The following FEZ1 variants were observed in gnomAD, a reference collection of about 807,000 sequenced individuals.
FEZ1 encodes fasciculation and elongation protein zeta-1.
A neutral mutation model predicts 49.3 loss-of-function variants in FEZ1; 20 were observed. The ratio of observed to expected loss-of-function variants is 0.41; its 90% CI spans 0.29 to 0.59. FEZ1 has a LOEUF of 0.59. Ranked by LOEUF, FEZ1 falls within the 20% of genes least tolerant of loss-of-function variation. The pLI is 0.36. For missense variants in FEZ1, 413 were observed against 476.0 expected, an observed-to-expected ratio of 0.87 and a Z score of 1.23; for synonymous variants, 170 against 180.9, an observed-to-expected ratio of 0.94 and a Z score of 0.48.
intron 6 of FEZ1, among the ~76,000 whole-genome samples, chr11:125,454,618 A>G (rs1434984561): frequency 6.6e-6 from 1 of 152,178 alleles, no homozygotes; most frequent in Non-Finnish European, 1.5e-5. Context: ...AGTTTTTTTC[A>G]AAATGTACAT....
At chr11:125,459,595 A>T (rs1204386279) in intron 5 of FEZ1, among the ~76,000 whole-genome samples, 1 of 152,144 alleles carries the variant, frequency 6.6e-6, no homozygotes. Context: ...CTATCTCTAA[A>T]AAATAAATAA....
chr11:125,469,717 C>G (rs1384132387), intron 3 of FEZ1, among the ~76,000 whole-genome samples: 1 of 150,296 alleles, frequency 6.7e-6, no homozygotes, highest in Non-Finnish European at 1.5e-5. Context: ...GTGCATGCCA[C>G]CAGGCCCAGC....
intron 4 of FEZ1, among the ~76,000 whole-genome samples, chr11:125,462,303 CCTCT>C (rs1591587236): frequency 1.3e-5 from 2 of 152,188 alleles, no homozygotes; most frequent in South Asian, 2.1e-4. Flanking sequence ...TGAACATTAT[CCTCT>C]CTAAGTAATA....
Position 125,489,185 on chromosome 11 carries a change from A to C in FEZ1, c.311+282T>G, listed in dbSNP as rs1483304029. Reference sequence around the variant, plus strand: ...TTTCCACTGATATAAAGAAAGCTTAAGATAGACAGACCCTGAAATTTACTG... The same window carrying C: ...TTTCCACTGATATAAAGAAAGCTTACGATAGACAGACCCTGAAATTTACTG... On this transcript the variant is annotated intron_variant, in intron 2 of 9. Transcript: ENST00000278919. The surrounding 1 kb of genome is among the most constrained non-coding windows in gnomAD (Gnocchi z 4.2). 1.8e-6 allele frequency: 2 copies of C among 1,094,460 alleles called. No homozygotes were observed. The highest frequency in any genetic ancestry group is 5.1e-5 in the Admixed American group (1 of 19,702). The allele number at this position is 1,094,460 out of a possible 1,614,324, so 67.8% of individuals were successfully genotyped here.
Position 125,489,706 on chromosome 11 carries a change from C to T in FEZ1, c.72G>A (p.Glu24=). The change falls in exon 2 of 10, where the codon GAG becomes GAA. Residue 24 remains glutamate (E), a synonymous_variant. Coordinates refer to ENST00000278919, the MANE Select transcript of FEZ1 (RefSeq NM_005103.5). The surrounding 1 kb of genome is among the most constrained non-coding windows in gnomAD (Gnocchi z 4.2). ...AACCATAGAAACACTGGGGCTTCTCCTCCGGGTCCTCCGAGCAGGAGGGTC... is the reference window on the plus strand; with the variant it reads ...AACCATAGAAACACTGGGGCTTCTCTTCCGGGTCCTCCGAGCAGGAGGGTC... ...DLRPSCSEDP[E]EKPQCFYGSS... 6.2e-7 allele frequency: 1 copy of T among 1,610,168 alleles called. No individual in the cohort carries two copies. The highest frequency in any genetic ancestry group is 8.5e-7 in the Non-Finnish European group (1 of 1,177,872).
intron 3 of FEZ1, 109 bp downstream of exon 3, chr11:125,481,425 G>A: frequency 3.8e-6 from 3 of 788,380 alleles, no homozygotes; most frequent in Non-Finnish European, 7.0e-6. Context: ...GAGATTACAG[G>A]CATGAGCCTC....
intron 1 of FEZ1, among the ~76,000 whole-genome samples, chr11:125,494,074 A>T (rs1189115509): frequency 1.3e-5 from 2 of 152,282 alleles, no homozygotes; most frequent in East Asian, 3.8e-4. Context: ...GAAACAGTCC[A>T]TAATATAGAC....
At chr11:125,477,224 G>C (rs1052872572) in intron 3 of FEZ1, among the ~76,000 whole-genome samples, 4 of 151,934 alleles carry the variant, frequency 2.6e-5, no homozygotes, top group African/African-American at 9.7e-5. Flanking sequence ...GCTGGGTACA[G>C]TGCCTCACAC....
intron 5 of FEZ1, among the ~76,000 whole-genome samples, chr11:125,459,477 G>T (rs1342025649): frequency 6.6e-6 from 1 of 151,624 alleles, no homozygotes; most frequent in Non-Finnish European, 1.5e-5. Context: ...CTGTAATCCC[G>T]GCTACTCAGG....
chr11:125,463,617 A>T (rs373228302), intron 3 of FEZ1, 47 bp from the exon 4 acceptor site: 256 of 1,155,558 alleles, frequency 2.2e-4, no homozygotes, highest in Non-Finnish European at 7.2e-5. Flanking sequence ...CATCAGCAGA[A>T]GTGGGATTGC....
Position 125,457,477 on chromosome 11 carries a change from TATACAC to T in FEZ1, c.668-1377_668-1372del, listed in dbSNP as rs1368911539. Among the ~76,000 whole-genome samples, 10 of 59,956 alleles carry T rather than the reference TATACAC, an allele frequency of 1.7e-4. 1 individual carries two copies. Among genetic ancestry groups the T allele is most frequent in the South Asian group, 1.6e-3 (2 of 1,290 alleles). 39.3% of individuals were successfully genotyped at this position (59,956 alleles called of 152,430 possible). A position where few individuals can be genotyped will look rare whatever the true frequency, so the allele number is the denominator to read the frequency against. Reference sequence around the variant, plus strand: ...GTATATATACACATATATATGTATATATACACATATATGTGTATATATGTATATATA... The same window carrying T: ...GTATATATACACATATATATGTATATATATATGTGTATATATGTATATATA... On this transcript the variant is annotated intron_variant, in intron 5 of 9. Coordinates refer to ENST00000278919, the MANE Select transcript of FEZ1 (RefSeq NM_005103.5).
intron 5 of FEZ1, among the ~76,000 whole-genome samples, chr11:125,457,435 T>A (rs7930492): frequency 2.8e-4 from 20 of 71,614 alleles, no homozygotes; most frequent in Non-Finnish European, 3.6e-4. Flanking sequence ...AAAAAATATA[T>A]ATATATATAT....
intron 2 of FEZ1, chr11:125,488,679 C>CAA (rs1345198958): frequency 3.2e-6 from 3 of 943,994 alleles, no homozygotes; most frequent in African/African-American, 3.6e-5. Context: ...AACTTCATCT[C>CAA]AAAAAAAAAC....
intron 3 of FEZ1, among the ~76,000 whole-genome samples, chr11:125,466,092 A>G (rs1225490098): frequency 6.6e-6 from 1 of 152,208 alleles, no homozygotes; most frequent in Non-Finnish European, 1.5e-5. Context: ...CACGGTAGAG[A>G]GTTCCTTTAG....
chr11:125,460,810 T>A, intron 4 of FEZ1, 144 bp from the exon 5 acceptor site: 1 of 626,352 alleles, frequency 1.6e-6, no homozygotes, highest in Non-Finnish European at 2.6e-6. Context: ...TACTGAATAA[T>A]AAAAATAGTT....
Position 125,445,931 on chromosome 11 carries a change from A to G in FEZ1, c.*164T>C. 2 of 737,240 alleles carry G rather than the reference A, an allele frequency of 2.7e-6. No homozygotes were observed. Among genetic ancestry groups the G allele is most frequent in the Non-Finnish European group, 5.0e-6 (2 of 402,180 alleles). The allele number at this position is 737,240 out of a possible 1,614,324, so 45.7% of individuals were successfully genotyped here. On this transcript the variant is annotated 3_prime_UTR_variant, in exon 10 of 10. Coordinates refer to ENST00000278919, the MANE Select transcript of FEZ1 (RefSeq NM_005103.5). This position sits in a 1 kb window ranked among gnomAD's most constrained non-coding sequence, Gnocchi z 4.4. Reference sequence around the variant, plus strand: ...CATGCATCCAATGATTACTAGCACTAGAAGCCAACGGCAAAGGACCCCGCG... The same window carrying G: ...CATGCATCCAATGATTACTAGCACTGGAAGCCAACGGCAAAGGACCCCGCG...
At chr11:125,464,158 G>A (rs1293737043) in intron 3 of FEZ1, among the ~76,000 whole-genome samples, 1 of 152,162 alleles carries the variant, frequency 6.6e-6, no homozygotes, top group Non-Finnish European at 1.5e-5. Flanking sequence ...CTGACCACAT[G>A]AACTAAACAA....
intron 3 of FEZ1, among the ~76,000 whole-genome samples, chr11:125,478,682 T>C (rs538457040): frequency 6.6e-6 from 1 of 152,334 alleles, no homozygotes; most frequent in East Asian, 1.9e-4. Flanking sequence ...CCTTAATCCA[T>C]CTACTTTTGC....
Position 125,456,039 on chromosome 11 carries a change from G to C in FEZ1, c.735C>G (p.Asp245Glu), listed in dbSNP as rs776931323. ...LLDQVEGAIR[D>E]FSEELVQQLA... ...GCTGCTGCACCAGCTCCTCCGAGAA[G>C]TCACGGATGGCACCCTCCACCTGGT... is the stretch of plus-strand genomic sequence containing the variant. Residue 245 changes from aspartate to glutamate, a missense_variant, in exon 6 of 10, where the codon GAC becomes GAG. By Grantham distance (45) the Asp-to-Glu change is conservative. Transcript: ENST00000278919. 3.1e-6 allele frequency: 5 copies of C among 1,612,454 alleles called. No homozygotes were observed. In the African/African-American group the frequency reaches 6.7e-5, roughly 22 times the overall value.
Sources: gnomAD v4.1 joint callset for allele counts (sites outside exome capture counted in the v4.1 genomes callset) on GRCh38, gnomAD v4.1.1 for gene constraint, Gnocchi (gnomAD v3.1) non-coding constraint, MANE v1.5 for transcripts, NCBI Gene and HGNC (gene_info 2026-07-23, HGNC 2026-07-21) for gene names.